PXN: variants seen among roughly 807,000 people sequenced by gnomAD.
PXN encodes paxillin, also known as testicular tissue protein Li 134.
A neutral mutation model predicts 103.6 loss-of-function variants in PXN; 61 were observed. The observed-to-expected ratio is 0.59, with a 90% CI of 0.48 to 0.73. The LOEUF (loss-of-function observed/expected upper bound fraction) is 0.73. Among genes scored for constraint, PXN ranks in the 30% least tolerant of loss-of-function variants. PXN has a pLI of 0.00. For missense variants in PXN, 1,274 were observed against 1,460.3 expected (o/e 0.87, Z 2.08); for synonymous variants, 562 against 607.8 (o/e 0.92, Z 1.11).
intron 1 of PXN, among the ~76,000 whole-genome samples, chr12:120,242,093 G>T (rs1488263430): frequency 6.6e-6 from 1 of 152,094 alleles, no homozygotes; most frequent in African/African-American, 2.4e-5. Context: ...CAAGGATCAG[G>T]AGTTACACCA....
rs780265787 is a variant in PXN, at chr12:120,215,598, C to T, written c.2365G>A (p.Gly789Ser). 27 of 1,609,824 alleles carry T rather than the reference C, an allele frequency of 1.7e-5. No individual in the cohort carries two copies. In the East Asian group the frequency reaches 3.3e-4, roughly 20 times the overall value. The change falls in exon 10 of 15, where the codon GGC becomes AGC. Residue 789 changes from glycine (G) to serine (S), a missense_variant. Coordinates refer to ENST00000637617, the MANE Select transcript of PXN (RefSeq NM_001385981.1). This position sits in a 1 kb window ranked among gnomAD's most constrained non-coding sequence, Gnocchi z 4.9. ...RCWAAGWPRD[G>S]GRSSPGGQDE... ...TGCCCTCCGGGGCTGCTCCGCCCGC[C>T]GTCCCGAGGCCAGCCGGCCGCCCAG...
At chr12:120,218,826 T>C (rs1884111995) in intron 7 of PXN, among the ~76,000 whole-genome samples, 1 of 152,220 alleles carries the variant, frequency 6.6e-6, no homozygotes, top group South Asian at 2.1e-4. Flanking sequence ...CTCCCCACTT[T>C]ACAGATGAGA....
In PXN at chr12:120,225,975, G is replaced by A. The variant is rs11065055; in HGVS notation, c.14-1598C>T. The A allele has an allele frequency of 2.2e-5, 19 of 873,100 alleles. No homozygotes were observed. Among genetic ancestry groups the A allele is most frequent in the Non-Finnish European group, 2.7e-5 (19 of 697,508 alleles). The allele number at this position is 873,100 out of a possible 1,614,324, so 54.1% of individuals were successfully genotyped here. A position where few individuals can be genotyped will look rare whatever the true frequency, so the allele number is the denominator to read the frequency against. On this transcript the variant is annotated intron_variant, in intron 1 of 14. Coordinates refer to ENST00000637617, the MANE Select transcript of PXN (RefSeq NM_001385981.1). The surrounding 1 kb of genome is among the most constrained non-coding windows in gnomAD (Gnocchi z 4.4). Reference sequence around the variant, plus strand: ...AAGGCCCAGGACCCCGGGTCTGGTCGCCTGACCTCCAAGGAAGTTCAGGTC... The same window carrying A: ...AAGGCCCAGGACCCCGGGTCTGGTCACCTGACCTCCAAGGAAGTTCAGGTC...
rs753638480 is a variant in PXN, at chr12:120,212,498, C to T, written c.3062G>A (p.Arg1021His). The change falls in exon 15 of 15, where the codon CGC (arginine) becomes CAC (histidine). Residue 1021 changes from arginine to histidine, a missense_variant. Physicochemically the swap from Arg to His is conservative, Grantham distance 29. Transcript: ENST00000637617. The surrounding 1 kb of genome is among the most constrained non-coding windows in gnomAD (Gnocchi z 7.2). ...PYCEVHYHER[R>H]GSLCSGCQKP... ...CTGGCAGCCAGAACACAGCGAGCCG[C>T]GCCGCTCGTGGTAGTGCACCTCACA... 18 of 1,613,800 alleles carry T rather than the reference C, an allele frequency of 1.1e-5. No homozygotes were observed. Among genetic ancestry groups the T allele is most frequent in the African/African-American group, 6.7e-5 (5 of 74,920 alleles).
intron 1 of PXN, chr12:120,226,785 A>T (rs917672623): frequency 9.7e-7 from 1 of 1,035,648 alleles, no homozygotes; most frequent in Non-Finnish European, 1.2e-6. Context: ...CACAGGGCAA[A>T]TCGCTTAGCT....
chr12:120,227,818 G>C (rs141438629), intron 1 of PXN, among the ~76,000 whole-genome samples: 2 of 152,254 alleles, frequency 1.3e-5, no homozygotes, highest in East Asian at 3.9e-4. Context: ...ATTTCCAATG[G>C]GTGCAAATAC....
At chr12:120,264,781 G>A (rs1168688440) in intron 1 of PXN, among the ~76,000 whole-genome samples, 8 of 152,150 alleles carry the variant, frequency 5.3e-5, no homozygotes, top group African/African-American at 9.7e-5. Context: ...CATTCCCCTG[G>A]CATTTCACCA....
chr12:120,250,307 G>C (rs1286943029), intron 1 of PXN: 2 of 540,848 alleles, frequency 3.7e-6, no homozygotes. Flanking sequence ...CCCAGGGTGG[G>C]TCCCACAGAT....
At position 120,212,710 on chromosome 12, in the gene PXN, C is replaced by T. The variant is rs1316966323; in HGVS notation, c.2980-130G>A. 1.5e-5 allele frequency: 17 copies of T among 1,102,612 alleles called. No individual in the cohort carries two copies. Among genetic ancestry groups the T allele is most frequent in the African/African-American group, 4.7e-5 (3 of 63,648 alleles). The allele number at this position is 1,102,612 out of a possible 1,614,324, so 68.3% of individuals were successfully genotyped here. On this transcript the variant is annotated intron_variant, in intron 14 of 14. Transcript: ENST00000637617. This position sits in a 1 kb window ranked among gnomAD's most constrained non-coding sequence, Gnocchi z 7.2. ...TACTTGCTAGGCGTTTCCCATGTGCCGTGTTGTCCTAAACGCTCATTTTTC... is the reference window on the plus strand; with the variant it reads ...TACTTGCTAGGCGTTTCCCATGTGCTGTGTTGTCCTAAACGCTCATTTTTC...
At position 120,213,076 on chromosome 12, in the gene PXN, G is replaced by A. The variant is rs1880882239; in HGVS notation, c.2980-496C>T. 2 of 154,500 alleles carry A rather than the reference G, an allele frequency of 1.3e-5. No homozygotes were observed. The highest frequency in any genetic ancestry group is 2.9e-5 in the Non-Finnish European group (2 of 69,578). The allele number at this position is 154,500 out of a possible 1,614,324, so 9.6% of individuals were successfully genotyped here. A position where few individuals can be genotyped will look rare whatever the true frequency, so the allele number is the denominator to read the frequency against. On this transcript the variant is annotated intron_variant, in intron 14 of 14. Coordinates refer to ENST00000637617, the MANE Select transcript of PXN (RefSeq NM_001385981.1). This position sits in a 1 kb window ranked among gnomAD's most constrained non-coding sequence, Gnocchi z 4.2. The stretch of plus-strand genomic sequence containing the variant: ...TCATTGGAGATTCACATCACATATA[G>A]GTAGAAAAGGCTCTGAGAGGGGCCG...
At position 120,217,243 on chromosome 12, in the gene PXN, G is replaced by A. The variant is rs978104235; in HGVS notation, c.1717-127C>T. On this transcript the variant is annotated intron_variant, in intron 7 of 14. Coordinates refer to ENST00000637617, the MANE Select transcript of PXN (RefSeq NM_001385981.1). This position sits in a 1 kb window ranked among gnomAD's most constrained non-coding sequence, Gnocchi z 4.1. ...AACCACCAAAGAACCAAGCGGAGGT[G>A]GGTGGAGGCACGGGGAGGGGGCAGA... is the stretch of plus-strand genomic sequence containing the variant. 9 of 814,740 alleles carry A rather than the reference G, an allele frequency of 1.1e-5. No homozygotes were observed. In the African/African-American group the frequency reaches 1.6e-4, roughly 14 times the overall value. The allele number at this position is 814,740 out of a possible 1,614,324, so 50.5% of individuals were successfully genotyped here.
chr12:120,222,938 T>G lies in PXN; in HGVS notation c.418A>C (p.Ser140Arg), dbSNP rs1885638169. The G allele has an allele frequency of 8.1e-6, 13 of 1,613,958 alleles. No individual in the cohort carries two copies. The highest frequency in any genetic ancestry group is 1.0e-5 in the Non-Finnish European group (12 of 1,179,882). The change falls in exon 4 of 15, where the codon AGC (serine) becomes CGC (arginine). Residue 140 changes from serine to arginine, a missense_variant. By Grantham distance (110) the Ser-to-Arg change is moderately radical. Around this residue, in one of 2 missense-constraint regions of PXN, gnomAD observed 1,178 missense variants for 1,309.0 expected, o/e 0.90. Coordinates refer to ENST00000637617, the MANE Select transcript of PXN (RefSeq NM_001385981.1). The surrounding 1 kb of genome is among the most constrained non-coding windows in gnomAD (Gnocchi z 4.7). ...SPTVMSTSLG[S>R]NLSELDRLLL... ...AGGCGGTCGAGTTCAGAAAGGTTGC[T>G]GCCCAGGGACGTGCTCATTACGGTG... is the stretch of plus-strand genomic sequence containing the variant.
chr12:120,231,155 T>C (rs1887966268), intron 1 of PXN, among the ~76,000 whole-genome samples: 2 of 152,114 alleles, frequency 1.3e-5, no homozygotes, highest in Non-Finnish European at 2.9e-5. Flanking sequence ...TCCTCTAACC[T>C]CTCTGGATGT....
rs3221954 is a variant in PXN, at chr12:120,248,492, T to TCACACACACA, written c.13+17115_13+17124dup. Among the ~76,000 whole-genome samples the TCACACACACA allele has an allele frequency of 3.6e-3, 461 of 127,934 alleles. 2 individuals are homozygous for TCACACACACA. The highest frequency in any genetic ancestry group is 0.013 in the African/African-American group (415 of 32,136). 83.9% of individuals were successfully genotyped at this position (127,934 alleles called of 152,430 possible). On this transcript the variant is annotated intron_variant, in intron 1 of 14. Coordinates refer to ENST00000637617, the MANE Select transcript of PXN (RefSeq NM_001385981.1). ...ACCATATACAATCCACAGATGACTT[T>TCACACACACA]CACACACACACACACACACACACAC... is the stretch of plus-strand genomic sequence containing the variant.
chr12:120,247,985 A>G (rs1326889419), intron 1 of PXN, among the ~76,000 whole-genome samples: 2 of 152,226 alleles, frequency 1.3e-5, no homozygotes, highest in African/African-American at 2.4e-5. Flanking sequence ...ACACCCACTC[A>G]ACAACAGAGC....
intron 1 of PXN, among the ~76,000 whole-genome samples, chr12:120,253,868 T>C (rs1219801631): frequency 1.3e-5 from 2 of 152,020 alleles, no homozygotes; most frequent in Non-Finnish European, 2.9e-5. Flanking sequence ...TATATACATA[T>C]ATTTATTTAT....
chr12:120,212,415 A>C lies in PXN; in HGVS notation c.3145T>G (p.Phe1049Val), dbSNP rs1317437303. 1 of 1,613,864 alleles carries C rather than the reference A, an allele frequency of 6.2e-7. No individual in the cohort carries two copies. The highest frequency in any genetic ancestry group is 8.5e-7 in the Non-Finnish European group (1 of 1,179,896). ...TGCTTGAGGCAGAAGGCACAGACGA[A>C]GTGCTCGGGGTGGAACTTCTTGGCC... is the stretch of plus-strand genomic sequence containing the variant. ...AMAKKFHPEH[F>V]VCAFCLKQLN... The change falls in exon 15 of 15, where the codon TTC becomes GTC. Residue 1049 changes from phenylalanine to valine, a missense_variant. Coordinates refer to ENST00000637617, the MANE Select transcript of PXN (RefSeq NM_001385981.1). The surrounding 1 kb of genome is among the most constrained non-coding windows in gnomAD (Gnocchi z 7.2).
chr12:120,229,496 A>G lies in PXN; in HGVS notation c.14-5119T>C, dbSNP rs1266012234. ...GTTACAACTTGTACGGTGAATCCTC[A>G]GTCACCTGGGCTCTGCTCAATGGCT... On this transcript the variant is annotated intron_variant, in intron 1 of 14. Transcript: ENST00000637617. The surrounding 1 kb of genome is among the most constrained non-coding windows in gnomAD (Gnocchi z 4.0). 6.6e-6 allele frequency among the ~76,000 whole-genome samples: 1 copy of G among 152,192 alleles called. No individual in the cohort carries two copies. The highest frequency in any genetic ancestry group is 1.5e-5 in the Non-Finnish European group (1 of 68,032).
chr12:120,265,168 T>A lies in PXN; in HGVS notation c.13+449A>T, dbSNP rs1594554174. 7.5e-6 allele frequency among the ~76,000 whole-genome samples: 1 copy of A among 133,998 alleles called. No individual in the cohort carries two copies. The highest frequency in any genetic ancestry group is 2.9e-5 in the African/African-American group (1 of 33,944). 87.9% of individuals were successfully genotyped at this position (133,998 alleles called of 152,430 possible). ...GTCGAGGAAATGAGGGAGCAGCCCA[T>A]GAGATCGGGCAGCTGCTCCCCGAGT... On this transcript the variant is annotated intron_variant, in intron 1 of 14. Transcript: ENST00000637617. This position sits in a 1 kb window ranked among gnomAD's most constrained non-coding sequence, Gnocchi z 5.7.
Sources: gnomAD v4.1 joint callset for allele counts (sites outside exome capture counted in the v4.1 genomes callset) on GRCh38, gnomAD v4.1.1 for gene constraint, gnomAD v4.1.1 regional missense constraint, Gnocchi (gnomAD v3.1) non-coding constraint, MANE v1.5 for transcripts, NCBI Gene and HGNC (gene_info 2026-07-23, HGNC 2026-07-21) for gene names.